VTA1: variants seen among roughly 807,000 people sequenced by gnomAD.
The protein encoded by VTA1 is vacuolar protein sorting-associated protein VTA1 homolog.
Under a neutral mutation model 36.9 loss-of-function variants are expected in VTA1, and 24 were observed. The observed-to-expected ratio is 0.65, with a 90% CI of 0.47 to 0.91. The LOEUF (loss-of-function observed/expected upper bound fraction) is 0.91. Among genes scored for constraint, VTA1 ranks in the 40% least tolerant of loss-of-function variants. The pLI is 0.00. For missense variants in VTA1, 393 were observed against 377.2 expected, an observed-to-expected ratio of 1.04 and a Z score of -0.35; for synonymous variants, 142 against 130.2, an observed-to-expected ratio of 1.09 and a Z score of -0.62.
rs115769841 is a variant in VTA1, at chr6:142,214,658, G to A, written c.779-3840G>A. 3.6e-3 allele frequency among the ~76,000 whole-genome samples: 550 copies of A among 152,222 alleles called. 2 individuals are homozygous for A. Among genetic ancestry groups the A allele is most frequent in the African/African-American group, 0.013 (529 of 41,530 alleles). On this transcript the variant is annotated intron_variant, in intron 7 of 7. Coordinates refer to ENST00000367630, the MANE Select transcript of VTA1 (RefSeq NM_016485.5). ...TGTCCAAACTCATGGAATGCACAAC[G>A]TCAAGAGTAAACCCTAACATAGACT... is the stretch of plus-strand genomic sequence containing the variant.
chr6:142,192,974 G>A (rs1028515072), intron 5 of VTA1, among the ~76,000 whole-genome samples: 1 of 152,020 alleles, frequency 6.6e-6, no homozygotes, highest in African/African-American at 2.4e-5. Flanking sequence ...TTTATTTAGT[G>A]TATCATCTGA....
chr6:142,160,501 G>T (rs1320950082), intron 1 of VTA1, among the ~76,000 whole-genome samples: 1 of 151,974 alleles, frequency 6.6e-6, no homozygotes, highest in Admixed American at 6.6e-5. Context: ...TTAGACCTCT[G>T]CCCCTTAATG....
chr6:142,167,092 G>C (rs528626307), intron 2 of VTA1, among the ~76,000 whole-genome samples: 6 of 152,308 alleles, frequency 3.9e-5, no homozygotes, highest in African/African-American at 1.4e-4. Context: ...TGGGGTCCCA[G>C]GGCAAGATAT....
chr6:142,170,190 C>A (rs1042271609), intron 3 of VTA1, among the ~76,000 whole-genome samples, 156 bp from the exon 4 acceptor site: 9 of 152,044 alleles, frequency 5.9e-5, no homozygotes, highest in Non-Finnish European at 8.8e-5. Flanking sequence ...GATTAGAAAA[C>A]CATTTTTGTT....
intron 2 of VTA1, among the ~76,000 whole-genome samples, chr6:142,168,556 A>G (rs531207051): frequency 1.3e-3 from 199 of 151,840 alleles, no homozygotes; most frequent in Middle Eastern, 0.01. Flanking sequence ...CTTTTTTTAA[A>G]TGCTTTAAAT....
At chr6:142,169,765 CCTG>C (rs1417552629) in intron 3 of VTA1, 88 bp downstream of exon 3, 1 of 1,207,936 alleles carries the variant, frequency 8.3e-7, no homozygotes, top group Non-Finnish European at 1.1e-6. Context: ...CACTTTCTAA[CCTG>C]CTGATTGATT....
In VTA1 at chr6:142,220,893, T is replaced by C. The variant is rs909788360; in HGVS notation, c.*2250T>C. On this transcript the variant is annotated 3_prime_UTR_variant, in exon 8 of 8. Coordinates refer to ENST00000367630, the MANE Select transcript of VTA1 (RefSeq NM_016485.5). ...AGCAGGAAAAAAAGTCCCTCCCTCA[T>C]AGAGTTTACATTCTAAAAGGGAGGA... 1.3e-5 allele frequency: 2 copies of C among 152,072 alleles called. No homozygotes were observed. The highest frequency in any genetic ancestry group is 1.9e-4 in the East Asian group (1 of 5,182). 9.4% of individuals were successfully genotyped at this position (152,072 alleles called of 1,614,324 possible). A position where few individuals can be genotyped will look rare whatever the true frequency, so the allele number is the denominator to read the frequency against.
intron 4 of VTA1, among the ~76,000 whole-genome samples, chr6:142,171,242 A>G (rs1171665476): frequency 1.3e-5 from 2 of 151,878 alleles, no homozygotes; most frequent in African/African-American, 4.8e-5. Flanking sequence ...TTACAGGCGG[A>G]TGCCACGACA....
At chr6:142,151,546 A>T (rs1211209141) in intron 1 of VTA1, among the ~76,000 whole-genome samples, 1 of 152,260 alleles carries the variant, frequency 6.6e-6, no homozygotes, top group African/African-American at 2.4e-5. Context: ...TAGAAATAAA[A>T]TGGGGACATG....
At position 142,219,826 on chromosome 6, in the gene VTA1, A is replaced by G. The variant is rs556720793; in HGVS notation, c.*1183A>G. 6.6e-6 allele frequency: 1 copy of G among 152,298 alleles called. No homozygotes were observed. The highest frequency in any genetic ancestry group is 1.9e-4 in the East Asian group (1 of 5,178). 9.4% of individuals were successfully genotyped at this position (152,298 alleles called of 1,614,324 possible). Reference sequence around the variant, plus strand: ...CACAAGGGTCAGCAAGCTTTGGCCCATGGATTGGCCACCTGTTACGTAAAT... The same window carrying G: ...CACAAGGGTCAGCAAGCTTTGGCCCGTGGATTGGCCACCTGTTACGTAAAT... On this transcript the variant is annotated 3_prime_UTR_variant, in exon 8 of 8. Transcript: ENST00000367630.
chr6:142,161,883 A>T (rs1774817000), intron 1 of VTA1, among the ~76,000 whole-genome samples: 1 of 152,134 alleles, frequency 6.6e-6, no homozygotes, highest in African/African-American at 2.4e-5. Context: ...AATGTATCTT[A>T]TGGTAAATTT....
At chr6:142,186,197 C>T (rs1301094957) in intron 4 of VTA1, among the ~76,000 whole-genome samples, 1 of 151,778 alleles carries the variant, frequency 6.6e-6, no homozygotes, top group Non-Finnish European at 1.5e-5. Flanking sequence ...AGACAATAGG[C>T]AAACAGGTTG....
intron 1 of VTA1, among the ~76,000 whole-genome samples, chr6:142,165,167 TCAAA>T (rs1022540073): frequency 1.3e-5 from 2 of 152,186 alleles, no homozygotes; most frequent in African/African-American, 4.8e-5. Flanking sequence ...AAATATAAAA[TCAAA>T]CAGAGTGTTT....
intron 7 of VTA1, among the ~76,000 whole-genome samples, chr6:142,206,065 A>C (rs1562269399): frequency 2.0e-5 from 3 of 152,176 alleles, no homozygotes. Flanking sequence ...TAGCTAGTGC[A>C]GTAAGAAAGG....
At chr6:142,162,233 A>G (rs1774825055) in intron 1 of VTA1, among the ~76,000 whole-genome samples, 2 of 152,178 alleles carry the variant, frequency 1.3e-5, no homozygotes, top group African/African-American at 2.4e-5. Flanking sequence ...ACATCCTGAG[A>G]TGGCTGTCAC....
chr6:142,211,075 C>T (rs1307788328), intron 7 of VTA1, among the ~76,000 whole-genome samples: 1 of 151,858 alleles, frequency 6.6e-6, no homozygotes, highest in African/African-American at 2.4e-5. Context: ...CACAGAAAGA[C>T]ACATATCGTA....
intron 7 of VTA1, among the ~76,000 whole-genome samples, chr6:142,206,409 G>C (rs1186884604): frequency 1.3e-5 from 2 of 152,066 alleles, no homozygotes; most frequent in African/African-American, 4.8e-5. Flanking sequence ...TACATTACAA[G>C]ATCTATATGA....
At chr6:142,190,022 G>C (rs1775423977) in intron 5 of VTA1, among the ~76,000 whole-genome samples, 1 of 152,134 alleles carries the variant, frequency 6.6e-6, no homozygotes, top group South Asian at 2.1e-4. Flanking sequence ...CTCCCAAAGT[G>C]CTGGGATTAC....
At chr6:142,159,817 T>C (rs956057113) in intron 1 of VTA1, among the ~76,000 whole-genome samples, 1 of 152,006 alleles carries the variant, frequency 6.6e-6, no homozygotes, top group Non-Finnish European at 1.5e-5. Context: ...CCGGCCGATA[T>C]ATATTTTACC....
Sources: allele counts gnomAD v4.1 joint callset (sites outside exome capture counted in the v4.1 genomes callset), GRCh38; gene constraint gnomAD v4.1.1; transcripts MANE v1.5; gene names NCBI Gene and HGNC (gene_info 2026-07-23, HGNC 2026-07-21).